Variants in SMYD2 observed in about 807,000 individuals in gnomAD.
The protein encoded by SMYD2 is N-lysine methyltransferase SMYD2.
A neutral mutation model predicts 59.1 loss-of-function variants in SMYD2; 53 were observed. The ratio of observed to expected loss-of-function variants is 0.90; its 90% confidence interval spans 0.72 to 1.13. SMYD2 has a LOEUF of 1.13. Among genes scored for constraint, SMYD2 ranks in the 50% most tolerant of loss-of-function variants. The pLI is 0.00. For synonymous variants in SMYD2, 208 were observed against 198.8 expected, an observed-to-expected ratio of 1.05 and a Z score of -0.39; for missense variants, 494 against 544.7, an observed-to-expected ratio of 0.91 and a Z score of 0.93.
chr1:214,299,990 GGA>G (rs916250691), intron 1 of SMYD2, among the ~76,000 whole-genome samples: 1 of 152,208 alleles, frequency 6.6e-6, no homozygotes, highest in Non-Finnish European at 1.5e-5. Flanking sequence ...TTACTAGGAA[GGA>G]GAGAGGGGAG....
intron 8 of SMYD2, 48 bp downstream of exon 8, chr1:214,330,326 G>A (rs375586304): frequency 1.5e-6 from 2 of 1,303,128 alleles, no homozygotes; most frequent in Non-Finnish European, 1.1e-6. Context: ...CTGATCTCAG[G>A]ACCTCTCTGC....
chr1:214,331,419 C>G (rs958422578), intron 9 of SMYD2: 9 of 243,880 alleles, frequency 3.7e-5, no homozygotes, highest in Non-Finnish European at 4.9e-5. Flanking sequence ...CTGGCACACT[C>G]TGAGCAGGGA....
intron 1 of SMYD2, among the ~76,000 whole-genome samples, chr1:214,288,679 T>G (rs1430756401): frequency 1.3e-5 from 2 of 152,244 alleles, no homozygotes; most frequent in Non-Finnish European, 2.9e-5. Flanking sequence ...GATCTATATT[T>G]TATGCTGATA....
At chr1:214,330,304 G>A (rs752798752) in intron 8 of SMYD2, 26 bp downstream of exon 8, 47 of 1,488,994 alleles carry the variant, frequency 3.2e-5, no homozygotes, top group Admixed American at 5.2e-5. Context: ...GGGCAAGAGC[G>A]CTGACTGCAC....
In SMYD2 at chr1:214,336,926, A is replaced by G. The variant is rs1425311549; in HGVS notation, c.*142A>G. 7 of 646,492 alleles carry G rather than the reference A, an allele frequency of 1.1e-5. No homozygotes were observed. The highest frequency in any genetic ancestry group is 1.2e-5 in the Non-Finnish European group (5 of 403,850). The allele number at this position is 646,492 out of a possible 1,614,324, so 40.0% of individuals were successfully genotyped here. A position where few individuals can be genotyped will look rare whatever the true frequency, so the allele number is the denominator to read the frequency against. ...TACTTCTTGCACTTAAACACTGCAC[A>G]TGCCGTACTTTGAGGTTAGTCTGAA... On this transcript the variant is annotated 3_prime_UTR_variant, in exon 12 of 12. Transcript: ENST00000366957.
chr1:214,308,620 A>G (rs1350115344), intron 2 of SMYD2, among the ~76,000 whole-genome samples: 3 of 152,228 alleles, frequency 2.0e-5, no homozygotes, highest in Admixed American at 6.5e-5. Flanking sequence ...CATGGCCTTC[A>G]GCTGCTAGTA....
chr1:214,316,312 A>C (rs1279015568), intron 3 of SMYD2, among the ~76,000 whole-genome samples: 1 of 152,022 alleles, frequency 6.6e-6, no homozygotes, highest in Non-Finnish European at 1.5e-5. Context: ...CTCTATAATA[A>C]ATTTTAAAAA....
At position 214,334,243 on chromosome 1, in the gene SMYD2, T is replaced by C. The variant is rs1657401835; in HGVS notation, c.1156T>C (p.Leu386=). 1 of 1,614,034 alleles carries C rather than the reference T, an allele frequency of 6.2e-7. No homozygotes were observed. The highest frequency in any genetic ancestry group is 8.5e-7 in the Non-Finnish European group (1 of 1,180,014). Reference sequence around the variant, plus strand: ...CTCCCTCAACGTGGCCTCCATGTGGTTGAAGCTAGGGAGACTCTACATGGG... The same window carrying C: ...CTCCCTCAACGTGGCCTCCATGTGGCTGAAGCTAGGGAGACTCTACATGGG... ...LYSLNVASMW[L]KLGRLYMGLE... Residue 386 remains leucine, a synonymous_variant, in exon 11 of 12, where the codon TTG becomes CTG. Coordinates refer to ENST00000366957, the MANE Select transcript of SMYD2 (RefSeq NM_020197.3).
intron 9 of SMYD2, chr1:214,331,393 A>C (rs1048011498): frequency 1.5e-5 from 4 of 261,826 alleles, no homozygotes; most frequent in African/African-American, 8.7e-5. Context: ...GGCCTTGCTT[A>C]TTTCAGCTCT....
chr1:214,314,126 G>A (rs544904625), intron 2 of SMYD2, among the ~76,000 whole-genome samples: 3 of 151,876 alleles, frequency 2.0e-5, no homozygotes, highest in Non-Finnish European at 2.9e-5. Flanking sequence ...GCAGTGAGTC[G>A]AGATCGCGCC....
Position 214,303,863 on chromosome 1 carries a change from G to A in SMYD2, c.174-1324G>A, listed in dbSNP as rs367739533. ...ACGAGGTGGCACAGGGTGGCTCTGC[G>A]GCAGTGTAGCCGCTTCGTGCTGTCG... On this transcript the variant is annotated intron_variant, in intron 1 of 11. Transcript: ENST00000366957. Among the ~76,000 whole-genome samples, 6 of 152,376 alleles carry A rather than the reference G, an allele frequency of 3.9e-5. No individual in the cohort carries two copies. In the East Asian group the frequency reaches 9.6e-4, roughly 24 times the overall value.
intron 1 of SMYD2, among the ~76,000 whole-genome samples, chr1:214,298,652 AG>A (rs1311126714): frequency 3.3e-5 from 5 of 152,216 alleles, no homozygotes; most frequent in African/African-American, 1.2e-4. Flanking sequence ...CATCTGACAA[AG>A]GTCTAATATC....
chr1:214,288,961 G>T (rs1487154188), intron 1 of SMYD2, among the ~76,000 whole-genome samples: 2 of 108,126 alleles, frequency 1.8e-5, no homozygotes, highest in Non-Finnish European at 1.8e-5. Context: ...TTTTCCTTAA[G>T]CAAATCCATT....
At chr1:214,281,554 G>T in intron 1 of SMYD2, 127 bp downstream of exon 1, 1 of 496,616 alleles carries the variant, frequency 2.0e-6, no homozygotes, top group Non-Finnish European at 2.7e-6. Flanking sequence ...CGGGGTGGGG[G>T]GCGGGGAGGG....
rs1347013068 is a variant in SMYD2, at chr1:214,332,056, GAGA to G, written c.980_982del (p.Lys327del). Reference sequence around the variant, plus strand: ...GCTGGAGATCTGCGAGCTCAGCCAGGAGAAGATGAGCTCTGTGTTTGAGGACAG... The same window carrying G: ...GCTGGAGATCTGCGAGCTCAGCCAGGAGATGAGCTCTGTGTTTGAGGACAG... On this transcript the variant is annotated inframe_deletion, in exon 10 of 12. Coordinates refer to ENST00000366957, the MANE Select transcript of SMYD2 (RefSeq NM_020197.3). 5 of 1,613,936 alleles carry G rather than the reference GAGA, an allele frequency of 3.1e-6. No homozygotes were observed. Among genetic ancestry groups the G allele is most frequent in the South Asian group, 1.1e-5 (1 of 91,070 alleles).
chr1:214,302,380 C>G (rs1052460853), intron 1 of SMYD2, among the ~76,000 whole-genome samples: 1 of 151,602 alleles, frequency 6.6e-6, no homozygotes, highest in African/African-American at 2.4e-5. Flanking sequence ...CTTTGATTTA[C>G]GCTTAGGCAT....
chr1:214,318,748 G>GTTT lies in SMYD2; in HGVS notation c.410-101_410-99dup. On this transcript the variant is annotated intron_variant, in intron 4 of 11. Transcript: ENST00000366957. The surrounding 1 kb of genome is among the most constrained non-coding windows in gnomAD (Gnocchi z 5.4). ...TGGGGGTTCAACATGTTAGTTTTGG[G>GTTT]TTTTTTTTTTTTCGCCCGTTCCTTT... is the stretch of plus-strand genomic sequence containing the variant. 15 of 1,007,952 alleles carry GTTT rather than the reference G, an allele frequency of 1.5e-5. No homozygotes were observed. Among genetic ancestry groups the GTTT allele is most frequent in the South Asian group, 7.5e-5 (4 of 53,008 alleles). The allele number at this position is 1,007,952 out of a possible 1,614,324, so 62.4% of individuals were successfully genotyped here.
chr1:214,308,560 A>G (rs1372994096), intron 2 of SMYD2, among the ~76,000 whole-genome samples: 2 of 152,104 alleles, frequency 1.3e-5, no homozygotes, highest in Non-Finnish European at 2.9e-5. Context: ...GTGGCACAAA[A>G]CAAGAGCAGC....
Position 214,284,254 on chromosome 1 carries a change from GTT to G in SMYD2, c.173+2849_173+2850del, listed in dbSNP as rs34049644. On this transcript the variant is annotated intron_variant, in intron 1 of 11. Coordinates refer to ENST00000366957, the MANE Select transcript of SMYD2 (RefSeq NM_020197.3). The stretch of plus-strand genomic sequence containing the variant: ...CCATTTATCACCATTTTTTGGTGTG[GTT>G]TTTTTTTTTTTTTTTTTTTTTGAGA... 8.9e-5 allele frequency among the ~76,000 whole-genome samples: 8 copies of G among 90,362 alleles called. No homozygotes were observed. The South Asian group carries it at 1.2e-3, about 13-fold the overall frequency. The allele number at this position is 90,362 out of a possible 152,430, so 59.3% of individuals were successfully genotyped here.
Sources: allele counts gnomAD v4.1 joint callset (sites outside exome capture counted in the v4.1 genomes callset), GRCh38; gene constraint gnomAD v4.1.1; non-coding constraint Gnocchi (gnomAD v3.1); transcripts MANE v1.5; gene names NCBI Gene and HGNC (gene_info 2026-07-23, HGNC 2026-07-21).